The following DLG2 variants were observed in gnomAD, a reference collection of about 807,000 sequenced individuals.
DLG2 encodes the protein discs large MAGUK scaffold protein 2.
In DLG2, 45 loss-of-function variants were observed where a neutral mutation model predicts 132.5. The observed-to-expected ratio is 0.34, with a 90% confidence interval of 0.27 to 0.44. The LOEUF (loss-of-function observed/expected upper bound fraction) is 0.44, where lower values mean the gene tolerates loss of function less well. DLG2 is among the 20% of genes least tolerant of loss of function. The probability of loss-of-function intolerance (pLI) is 1.00; values close to 1 mark genes in which losing one functional copy is unlikely to be tolerated. For synonymous variants in DLG2, 424 were observed against 419.6 expected (o/e 1.01, Z -0.13); for missense variants, 1,045 against 1,196.9 (o/e 0.87, Z 1.87).
chr11:84,051,077 C>T (rs2096366098), intron 11 of DLG2, among the ~76,000 whole-genome samples: 1 of 151,924 alleles, frequency 6.6e-6, no homozygotes, highest in Non-Finnish European at 1.5e-5. Context: ...CAGTGAGATA[C>T]CATCTCACAC....
At chr11:84,630,231 A>G (rs942776754) in intron 6 of DLG2, among the ~76,000 whole-genome samples, 1 of 152,176 alleles carries the variant, frequency 6.6e-6, no homozygotes, top group African/African-American at 2.4e-5. Flanking sequence ...CCTCTAGGGT[A>G]GGGGAAAGAC....
At chr11:84,196,179 C>G (rs1485436838) in intron 8 of DLG2, among the ~76,000 whole-genome samples, 1 of 151,970 alleles carries the variant, frequency 6.6e-6, no homozygotes, top group Admixed American at 6.6e-5. Flanking sequence ...AATTTTTAAC[C>G]CAGCATTAAA....
chr11:84,020,480 G>T (rs1409304173), intron 11 of DLG2, among the ~76,000 whole-genome samples: 1 of 152,040 alleles, frequency 6.6e-6, no homozygotes, highest in Non-Finnish European at 1.5e-5. Flanking sequence ...TGTAATATTT[G>T]AATGTGAGAA....
intron 6 of DLG2, among the ~76,000 whole-genome samples, chr11:84,943,614 T>C (rs2049788199): frequency 6.6e-6 from 1 of 152,166 alleles, no homozygotes; most frequent in Non-Finnish European, 1.5e-5. Context: ...AAAAGAAAAC[T>C]AATGAAAACT....
At chr11:84,653,689 A>G (rs1016423541) in intron 6 of DLG2, among the ~76,000 whole-genome samples, 1 of 152,132 alleles carries the variant, frequency 6.6e-6, no homozygotes, top group Admixed American at 6.5e-5. Flanking sequence ...TGATAATTCC[A>G]CCAGTATATG....
chr11:84,033,690 T>G (rs571629445), intron 11 of DLG2, among the ~76,000 whole-genome samples: 1 of 152,184 alleles, frequency 6.6e-6, no homozygotes, highest in Admixed American at 6.6e-5. Context: ...AATAAATCTT[T>G]CCTGAAAGGA....
At chr11:84,716,389 T>C (rs1391049666) in intron 6 of DLG2, among the ~76,000 whole-genome samples, 1 of 152,122 alleles carries the variant, frequency 6.6e-6, no homozygotes, top group African/African-American at 2.4e-5. Context: ...TGTTTGTATG[T>C]ATTTTTATCT....
At chr11:85,098,748 AT>A (rs373099045) in intron 6 of DLG2, among the ~76,000 whole-genome samples, 57 of 151,632 alleles carry the variant, frequency 3.8e-4, no homozygotes, top group African/African-American at 6.3e-4. Context: ...TATCATGTTT[AT>A]TTTTTTTTAC....
intron 18 of DLG2, among the ~76,000 whole-genome samples, chr11:83,665,140 G>A (rs1029994988): frequency 6.6e-6 from 1 of 152,196 alleles, no homozygotes. Context: ...TGTAAGAGAT[G>A]ACTGGTACTC....
At chr11:83,695,593 G>T (rs1592605931) in intron 18 of DLG2, among the ~76,000 whole-genome samples, 2 of 152,136 alleles carry the variant, frequency 1.3e-5, no homozygotes, top group Admixed American at 6.5e-5. Flanking sequence ...ACCAAAATTA[G>T]CTAGGCATGG....
At chr11:83,873,113 G>A (rs759705140) in intron 16 of DLG2, among the ~76,000 whole-genome samples, 6 of 151,990 alleles carry the variant, frequency 3.9e-5, no homozygotes, top group South Asian at 2.1e-4. Flanking sequence ...AAGTCTTTTC[G>A]TACCACATTA....
At chr11:85,624,672 A>G (rs1041300250) in intron 2 of DLG2, among the ~76,000 whole-genome samples, 3 of 152,226 alleles carry the variant, frequency 2.0e-5, no homozygotes, top group African/African-American at 7.2e-5. Context: ...AATATTCAAG[A>G]ATATGTATCA....
chr11:83,551,721 C>T (rs2096395184), intron 19 of DLG2, among the ~76,000 whole-genome samples: 1 of 152,062 alleles, frequency 6.6e-6, no homozygotes, highest in Non-Finnish European at 1.5e-5. Context: ...CACCTGTTGA[C>T]TAGAGATAGA....
intron 3 of DLG2, among the ~76,000 whole-genome samples, chr11:85,298,530 A>G (rs1253235888): frequency 2.0e-5 from 3 of 152,152 alleles, no homozygotes. Flanking sequence ...AAAAGAAAAA[A>G]GTAAAAGCTG....
chr11:83,596,909 T>C (rs1202883441), intron 19 of DLG2, among the ~76,000 whole-genome samples: 1 of 152,204 alleles, frequency 6.6e-6, no homozygotes, highest in Non-Finnish European at 1.5e-5. Flanking sequence ...AAATTAATTG[T>C]TCTCCTCTCT....
chr11:84,029,946 G>A (rs1229750694), intron 11 of DLG2, among the ~76,000 whole-genome samples: 2 of 152,018 alleles, frequency 1.3e-5, no homozygotes, highest in African/African-American at 4.8e-5. Context: ...ATTATACCCT[G>A]CTTTTATCCT....
intron 6 of DLG2, among the ~76,000 whole-genome samples, chr11:84,854,749 AC>A (rs770256264): frequency 1.1e-4 from 16 of 151,818 alleles, no homozygotes; most frequent in Admixed American, 2.0e-4. Flanking sequence ...GCAAGTTCAA[AC>A]CGTGTATTAA....
intron 5 of DLG2, among the ~76,000 whole-genome samples, chr11:85,122,969 A>ATTTTTT (rs1175644391): frequency 1.2e-5 from 1 of 86,894 alleles, no homozygotes; most frequent in Non-Finnish European, 2.1e-5. Context: ...ATATATATAT[A>ATTTTTT]TTTTTTTTTT....
intron 6 of DLG2, among the ~76,000 whole-genome samples, chr11:84,973,269 T>C (rs1016139568): frequency 1.3e-5 from 2 of 152,152 alleles, no homozygotes; most frequent in Non-Finnish European, 2.9e-5. Flanking sequence ...TAAGCCTCAG[T>C]TTTAAATTTT....
Sources: allele counts gnomAD v4.1 joint callset (sites outside exome capture counted in the v4.1 genomes callset), GRCh38; gene constraint gnomAD v4.1.1; transcripts MANE v1.5; gene names NCBI Gene and HGNC (gene_info 2026-07-23, HGNC 2026-07-21).